The following ADAMTSL1 variants were observed in gnomAD, a reference collection of about 807,000 sequenced individuals.
ADAMTSL1 encodes ADAMTS-like protein 1.
A neutral mutation model predicts 201.8 loss-of-function variants in ADAMTSL1; 126 were observed. That is an observed-to-expected ratio of 0.62 (90% CI 0.54 to 0.72). The LOEUF is 0.72. ADAMTSL1 is among the 30% of genes least tolerant of loss of function. ADAMTSL1 has a pLI of 0.00. For synonymous variants in ADAMTSL1, 1,121 were observed against 903.4 expected, an observed-to-expected ratio of 1.24 and a Z score of -4.32; for missense variants, 2,679 against 2,277.8, an observed-to-expected ratio of 1.18 and a Z score of -3.59.
chr9:18,329,629 C>T (rs1326317343), intron 2 of ADAMTSL1, among the ~76,000 whole-genome samples: 7 of 152,198 alleles, frequency 4.6e-5, no homozygotes, highest in Non-Finnish European at 1.0e-4. Flanking sequence ...TAGGCAGTGG[C>T]TTATCTTTAT....
chr9:18,022,477 T>C (rs1326402912), intron 1 of ADAMTSL1, among the ~76,000 whole-genome samples: 3 of 152,080 alleles, frequency 2.0e-5, no homozygotes, highest in African/African-American at 7.2e-5. Context: ...AAAGCATAAA[T>C]CCTGCAATAA....
At chr9:18,524,050 G>A (rs1233503595) in intron 2 of ADAMTSL1, among the ~76,000 whole-genome samples, 7 of 148,954 alleles carry the variant, frequency 4.7e-5, no homozygotes, top group South Asian at 2.2e-4. Flanking sequence ...CCATTTTCAC[G>A]ATATTGATTC....
chr9:18,602,053 A>G (rs1824696378), intron 4 of ADAMTSL1, among the ~76,000 whole-genome samples: 1 of 152,212 alleles, frequency 6.6e-6, no homozygotes, highest in Non-Finnish European at 1.5e-5. Context: ...AATTGTAAGC[A>G]GGGCAATGCA....
chr9:18,034,103 T>A (rs755644695), intron 1 of ADAMTSL1, among the ~76,000 whole-genome samples: 35 of 152,176 alleles, frequency 2.3e-4, no homozygotes, highest in Non-Finnish European at 2.8e-4. Flanking sequence ...ATATCTCTCA[T>A]TTTCTACAAG....
chr9:18,712,461 T>C (rs997819474), intron 14 of ADAMTSL1, among the ~76,000 whole-genome samples: 8 of 151,668 alleles, frequency 5.3e-5, no homozygotes, highest in South Asian at 2.1e-4. Context: ...TGCAGAAGCC[T>C]CAGGAGCCGA....
intron 2 of ADAMTSL1, among the ~76,000 whole-genome samples, chr9:18,178,270 G>A (rs1828272360): frequency 6.6e-6 from 1 of 152,178 alleles, no homozygotes; most frequent in Non-Finnish European, 1.5e-5. Context: ...GTGACAGACG[G>A]CACCTGGAAA....
intron 1 of ADAMTSL1, among the ~76,000 whole-genome samples, chr9:18,106,187 C>A (rs567978729): frequency 1.3e-5 from 2 of 152,196 alleles, no homozygotes; most frequent in Admixed American, 6.5e-5. Context: ...TCGCTTTGGC[C>A]CCCTAACTTG....
chr9:17,990,374 T>C (rs756233267), intron 1 of ADAMTSL1, among the ~76,000 whole-genome samples: 19 of 152,054 alleles, frequency 1.2e-4, no homozygotes, highest in Admixed American at 2.6e-4. Flanking sequence ...ATTGAGATGT[T>C]TGGACTCCTT....
intron 13 of ADAMTSL1, among the ~76,000 whole-genome samples, chr9:18,688,689 A>AATATATATATATATATATATATATAT: frequency 2.2e-3 from 19 of 8,618 alleles, no homozygotes; most frequent in South Asian, 6.6e-3. Context: ...AAAAAAAAAA[A>AATATATATATATATATATATATATAT]ATATATATAT....
chr9:18,860,608 A>G (rs1160812902), intron 23 of ADAMTSL1, among the ~76,000 whole-genome samples: 1 of 152,164 alleles, frequency 6.6e-6, no homozygotes, highest in African/African-American at 2.4e-5. Flanking sequence ...GACAAGAGTG[A>G]AGAGTCAGAT....
intron 2 of ADAMTSL1, among the ~76,000 whole-genome samples, chr9:18,302,393 G>A (rs1003330085): frequency 6.6e-6 from 1 of 152,104 alleles, no homozygotes; most frequent in Non-Finnish European, 1.5e-5. Flanking sequence ...CCTTCAGTAT[G>A]CTGGGGCAAA....
intron 2 of ADAMTSL1, among the ~76,000 whole-genome samples, chr9:18,455,666 G>A (rs1002444652): frequency 1.3e-5 from 2 of 152,036 alleles, no homozygotes; most frequent in Non-Finnish European, 1.5e-5. Flanking sequence ...GATCTAAACA[G>A]ATGAGAATAT....
chr9:18,026,030 T>C (rs1374826162), intron 1 of ADAMTSL1, among the ~76,000 whole-genome samples: 1 of 151,924 alleles, frequency 6.6e-6, no homozygotes, highest in African/African-American at 2.4e-5. Context: ...ATTGCATCCT[T>C]GATTTGGCTT....
intron 2 of ADAMTSL1, among the ~76,000 whole-genome samples, chr9:18,522,766 T>A (rs1178681003): frequency 6.6e-6 from 1 of 152,102 alleles, no homozygotes; most frequent in Non-Finnish European, 1.5e-5. Flanking sequence ...ACATAGGACA[T>A]GAACTCATCC....
intron 22 of ADAMTSL1, among the ~76,000 whole-genome samples, chr9:18,828,696 A>ATATATATATATATATATATATATATT (rs1384860090): frequency 4.4e-5 from 4 of 91,072 alleles, no homozygotes; most frequent in Non-Finnish European, 6.7e-5. Context: ...ATATATATAA[A>ATATATATATATATATATATATATATT]ATGTGTGTGT....
At chr9:18,320,200 A>G (rs191792780) in intron 2 of ADAMTSL1, among the ~76,000 whole-genome samples, 9 of 152,336 alleles carry the variant, frequency 5.9e-5, no homozygotes, top group African/African-American at 1.9e-4. Flanking sequence ...GATTTTCACC[A>G]TGTGAGTTGC....
intron 5 of ADAMTSL1, among the ~76,000 whole-genome samples, chr9:18,624,954 C>T (rs71506881): frequency 0.061 from 9,291 of 152,252 alleles, 384 homozygotes; most frequent in Non-Finnish European, 0.092. Context: ...TCAATAAAGC[C>T]CACCATATGC....
intron 13 of ADAMTSL1, among the ~76,000 whole-genome samples, chr9:18,686,823 A>G (rs1043651965): frequency 1.1e-4 from 16 of 152,362 alleles, no homozygotes; most frequent in Middle Eastern, 6.8e-3. Context: ...ATGCATCCAC[A>G]GAAGCATTAC....
intron 11 of ADAMTSL1, 158 bp downstream of exon 11, chr9:18,680,674 G>C: frequency 1.4e-6 from 1 of 705,112 alleles, no homozygotes; most frequent in South Asian, 1.9e-5. Context: ...CCCAAATCCA[G>C]CATGACCAAA....
Sources: allele counts gnomAD v4.1 joint callset (sites outside exome capture counted in the v4.1 genomes callset), GRCh38; gene constraint gnomAD v4.1.1; transcripts MANE v1.5; gene names NCBI Gene and HGNC (gene_info 2026-07-23, HGNC 2026-07-21).